SCARA3: variants seen among roughly 807,000 people sequenced by gnomAD.
SCARA3 encodes the protein scavenger receptor class A member 3.
SCARA3 carries 39 observed loss-of-function variants against 47.0 expected under a neutral mutation model. The ratio of observed to expected loss-of-function variants is 0.83; its 90% CI spans 0.64 to 1.08. The LOEUF (loss-of-function observed/expected upper bound fraction) is 1.08, where lower values mean the gene tolerates loss of function less well. SCARA3 is among the 50% of genes least tolerant of loss of function. The pLI, the probability that SCARA3 is intolerant of heterozygous loss-of-function variation, is 0.00. For synonymous variants in SCARA3, 356 were observed against 334.1 expected (o/e 1.07, Z -0.71); for missense variants, 724 against 792.3 (o/e 0.91, Z 1.04).
the SCARA3 span, among the ~76,000 whole-genome samples, chr8:27,717,177 C>T: frequency 1.3e-5 from 2 of 152,118 alleles, no homozygotes; most frequent in Non-Finnish European, 2.9e-5. Flanking sequence ...CTCATTAGGA[C>T]AATTGGTGAA....
the SCARA3 span, among the ~76,000 whole-genome samples, chr8:27,696,520 G>T: frequency 1.3e-5 from 2 of 151,850 alleles, no homozygotes; most frequent in African/African-American, 4.8e-5. Flanking sequence ...CAGTGACAAG[G>T]CTCACTGCAG....
At chr8:27,710,000 G>C in the SCARA3 span, among the ~76,000 whole-genome samples, 9 of 152,272 alleles carry the variant, frequency 5.9e-5, 1 homozygote, top group East Asian at 9.7e-4. Flanking sequence ...GGAGGCTAAG[G>C]GGGGCGGATC....
the SCARA3 span, among the ~76,000 whole-genome samples, chr8:27,731,345 C>G: frequency 2.0e-5 from 3 of 151,772 alleles, no homozygotes; most frequent in Admixed American, 2.0e-4. Context: ...AGTAATCCTC[C>G]CGCCTCGGCC....
chr8:27,659,189 T>C lies in SCARA3; in HGVS notation c.1019T>C (p.Val340Ala), dbSNP rs200590041. Residue 340 changes from valine to alanine, a missense_variant, in exon 5 of 6, where the codon GTG becomes GCG. By Grantham distance (64) the Val-to-Ala change is moderately conservative. Coordinates refer to ENST00000301904, the MANE Select transcript of SCARA3 (RefSeq NM_016240.3). ...YHTHYAQNRTVERFESLEGRM... is the reference protein window; with the variant it reads ...YHTHYAQNRTAERFESLEGRM... ...ACCCACTACGCCCAGAACCGCACTG[T>C]GGAGAGGTTTGAGTCTCTGGAAGGA... The C allele has an allele frequency of 4.6e-5, 75 of 1,614,000 alleles. No individual in the cohort carries two copies. Among genetic ancestry groups the C allele is most frequent in the Non-Finnish European group, 7.6e-6 (9 of 1,180,024 alleles).
the SCARA3 span, among the ~76,000 whole-genome samples, chr8:27,692,043 G>C: frequency 1.3e-5 from 2 of 152,272 alleles, no homozygotes; most frequent in East Asian, 1.9e-4. Flanking sequence ...GTTCAGCCAT[G>C]ATGGGAAGGG....
the SCARA3 span, among the ~76,000 whole-genome samples, chr8:27,723,182 G>T: frequency 6.6e-6 from 1 of 152,004 alleles, no homozygotes; most frequent in East Asian, 1.9e-4. Flanking sequence ...CTTCTTGCGG[G>T]GCCTGGAGCC....
At chr8:27,646,972 G>GCCCCCCCCCCCC (rs757314343) in intron 1 of SCARA3, among the ~76,000 whole-genome samples, 2 of 23,506 alleles carry the variant, frequency 8.5e-5, no homozygotes, top group African/African-American at 3.3e-4. Flanking sequence ...GACCGCCCCC[G>GCCCCCCCCCCCC]CCCCCCCCCC....
At chr8:27,722,520 T>C in the SCARA3 span, among the ~76,000 whole-genome samples, 1 of 152,170 alleles carries the variant, frequency 6.6e-6, no homozygotes, top group African/African-American at 2.4e-5. Flanking sequence ...CCTCCATCCA[T>C]AGTATCCACA....
At chr8:27,663,129 A>G (rs1397807867) in intron 5 of SCARA3, among the ~76,000 whole-genome samples, 1 of 152,226 alleles carries the variant, frequency 6.6e-6, no homozygotes, top group Admixed American at 6.5e-5. Flanking sequence ...ATAGTCACAC[A>G]TCTGACCATT....
downstream of SCARA3, among the ~76,000 whole-genome samples, chr8:27,678,985 C>T (rs1459648196): frequency 2.0e-5 from 3 of 152,072 alleles, no homozygotes; most frequent in South Asian, 2.1e-4. Context: ...CTCAGGAGTT[C>T]GAGACCACCT....
At chr8:27,711,421 A>G in the SCARA3 span, among the ~76,000 whole-genome samples, 4 of 152,170 alleles carry the variant, frequency 2.6e-5, no homozygotes, top group Non-Finnish European at 4.4e-5. Context: ...GTCCTCCTCA[A>G]GTTAGTTCCT....
the SCARA3 span, among the ~76,000 whole-genome samples, chr8:27,709,454 T>G: frequency 2.6e-5 from 4 of 152,186 alleles, no homozygotes; most frequent in African/African-American, 9.6e-5. Context: ...TGATTTTCTC[T>G]TTAACAGATA....
the SCARA3 span, among the ~76,000 whole-genome samples, chr8:27,710,909 T>C: frequency 6.9e-6 from 1 of 145,284 alleles, no homozygotes; most frequent in Non-Finnish European, 1.5e-5. Context: ...GAATCTCTCA[T>C]AGGTGATTTT....
chr8:27,657,853 A>G (rs1401889015), intron 4 of SCARA3, among the ~76,000 whole-genome samples: 1 of 152,014 alleles, frequency 6.6e-6, no homozygotes, highest in Non-Finnish European at 1.5e-5. Flanking sequence ...ACATGTATTC[A>G]GTCTTGCTCC....
the SCARA3 span, among the ~76,000 whole-genome samples, chr8:27,686,591 T>C: frequency 6.6e-6 from 1 of 152,182 alleles, no homozygotes; most frequent in South Asian, 2.1e-4. Flanking sequence ...GCCAGGCTGC[T>C]GGTTCAACCA....
downstream of SCARA3, among the ~76,000 whole-genome samples, chr8:27,675,893 G>A (rs1405480406): frequency 6.6e-6 from 1 of 152,084 alleles, no homozygotes; most frequent in African/African-American, 2.4e-5. Flanking sequence ...GGGCGGGACG[G>A]GGTGTGGGGA....
At chr8:27,712,824 T>A in the SCARA3 span, among the ~76,000 whole-genome samples, 23 of 152,204 alleles carry the variant, frequency 1.5e-4, no homozygotes, top group Middle Eastern at 6.8e-3. Context: ...GGACTTATGG[T>A]AAAAATATAA....
chr8:27,672,875 C>T lies in SCARA3; in HGVS notation c.*1524C>T. 1.0e-6 allele frequency: 1 copy of T among 985,716 alleles called. No individual in the cohort carries two copies. The highest frequency in any genetic ancestry group is 1.7e-5 in the African/African-American group (1 of 57,368). 61.1% of individuals were successfully genotyped at this position (985,716 alleles called of 1,614,324 possible). A position where few individuals can be genotyped will look rare whatever the true frequency, so the allele number is the denominator to read the frequency against. On this transcript the variant is annotated 3_prime_UTR_variant, in exon 6 of 6. Coordinates refer to ENST00000301904, the MANE Select transcript of SCARA3 (RefSeq NM_016240.3). ...ACCCAGAGAGCAGCCCTTCCCTGCT[C>T]AAAGCCTTTCCGCACCCTCCTGACT...
the SCARA3 span, chr8:27,701,361 A>G: frequency 6.6e-6 from 1 of 152,194 alleles, no homozygotes; most frequent in South Asian, 2.1e-4. Flanking sequence ...CTGAGTGTAT[A>G]TATTTGTTAA....
Sources: allele counts gnomAD v4.1 joint callset (sites outside exome capture counted in the v4.1 genomes callset), GRCh38; gene constraint gnomAD v4.1.1; transcripts MANE v1.5; gene names NCBI Gene and HGNC (gene_info 2026-07-23, HGNC 2026-07-21).